The following CRYBG1 variants were observed in gnomAD, a reference collection of about 807,000 sequenced individuals.
CRYBG1 encodes crystallin beta-gamma domain containing 1.
CRYBG1 carries 139 observed loss-of-function variants against 189.2 expected under a neutral mutation model. The observed-to-expected ratio is 0.73, with a 90% confidence interval of 0.64 to 0.85. The LOEUF is 0.85. Among genes scored for constraint, CRYBG1 ranks in the 40% least tolerant of loss-of-function variants. CRYBG1 has a pLI of 0.00. For missense variants in CRYBG1, 2,611 were observed against 2,675.8 expected, an observed-to-expected ratio of 0.98 and a Z score of 0.53; for synonymous variants, 1,023 against 1,017.1, an observed-to-expected ratio of 1.01 and a Z score of -0.11.
Position 106,513,040 on chromosome 6 carries a change from G to A in CRYBG1, c.1922+1G>A. ...CGACAGTGACCACTAAAGTGACCCT[G>A]TAAGTAGCCGCGCAAGTCCCGGCCG... On this transcript the variant is annotated splice_donor_variant, in intron 3 of 21. Coordinates refer to ENST00000633556, the MANE Select transcript of CRYBG1 (RefSeq NM_001371242.2). LOFTEE classifies it high-confidence loss of function. 1 of 1,598,456 alleles carries A rather than the reference G, an allele frequency of 6.3e-7. No individual in the cohort carries two copies. The highest frequency in any genetic ancestry group is 1.3e-5 in the African/African-American group (1 of 74,956).
intron 1 of CRYBG1, among the ~76,000 whole-genome samples, chr6:106,406,414 G>A (rs75721758): frequency 6.6e-6 from 1 of 152,210 alleles, no homozygotes; most frequent in African/African-American, 2.4e-5. Flanking sequence ...TGGTATACCT[G>A]AAAGTGATGA....
intron 1 of CRYBG1, among the ~76,000 whole-genome samples, chr6:106,449,677 T>TA (rs1347501561): frequency 1.3e-5 from 2 of 152,216 alleles, no homozygotes; most frequent in Non-Finnish European, 2.9e-5. Flanking sequence ...TTTCAGTTGT[T>TA]ACTTAAATTC....
intron 1 of CRYBG1, among the ~76,000 whole-genome samples, chr6:106,373,889 A>G (rs1053573473): frequency 1.3e-5 from 2 of 152,216 alleles, no homozygotes; most frequent in Non-Finnish European, 2.9e-5. Context: ...AAAAACAATT[A>G]CCCAGTGATA....
intron 2 of CRYBG1, among the ~76,000 whole-genome samples, chr6:106,467,993 A>T (rs1431391670): frequency 1.3e-5 from 2 of 152,098 alleles, no homozygotes; most frequent in Admixed American, 1.3e-4. Context: ...GTCTTAAATG[A>T]GGGAGTCTTA....
chr6:106,524,044 T>C (rs968473459), intron 4 of CRYBG1, among the ~76,000 whole-genome samples: 1 of 152,160 alleles, frequency 6.6e-6, no homozygotes, highest in Non-Finnish European at 1.5e-5. Flanking sequence ...TTTGTGGTCT[T>C]CTGGGCATAT....
At chr6:106,466,397 G>A (rs1480149285) in intron 2 of CRYBG1, among the ~76,000 whole-genome samples, 1 of 152,198 alleles carries the variant, frequency 6.6e-6, no homozygotes, top group Non-Finnish European at 1.5e-5. Flanking sequence ...CAATTTTAAT[G>A]CTAACATTCT....
chr6:106,506,512 A>C (rs1372331079), intron 2 of CRYBG1, among the ~76,000 whole-genome samples: 1 of 119,848 alleles, frequency 8.3e-6, no homozygotes, highest in Non-Finnish European at 1.6e-5. Context: ...GAGTACAATG[A>C]TGTGATCTCA....
chr6:106,387,001 TA>T (rs1353455332), intron 1 of CRYBG1, among the ~76,000 whole-genome samples: 2 of 152,216 alleles, frequency 1.3e-5, no homozygotes, highest in African/African-American at 4.8e-5. Flanking sequence ...TCTTTTCTTT[TA>T]TTCTTGTAAC....
intron 13 of CRYBG1, among the ~76,000 whole-genome samples, chr6:106,547,086 A>G (rs1376723747): frequency 3.3e-5 from 5 of 151,986 alleles, no homozygotes; most frequent in African/African-American, 1.2e-4. Flanking sequence ...ATTTTTAGTC[A>G]TTTCTAATTG....
At chr6:106,544,496 A>G in intron 11 of CRYBG1, 75 bp from the exon 12 acceptor site, 1 of 1,510,148 alleles carries the variant, frequency 6.6e-7, no homozygotes, top group East Asian at 2.3e-5. Context: ...GTATTTTTCA[A>G]TGAAATTGAT....
In CRYBG1 at chr6:106,379,914, G is replaced by A. The variant is rs191363605; in HGVS notation, c.173+18833G>A. Reference sequence around the variant, plus strand: ...CATTCTAATTACAGATCACACTAAGGTGAACATTACAATTTTAATATAATA... The same window carrying A: ...CATTCTAATTACAGATCACACTAAGATGAACATTACAATTTTAATATAATA... On this transcript the variant is annotated intron_variant, in intron 1 of 21. Coordinates refer to ENST00000633556, the MANE Select transcript of CRYBG1 (RefSeq NM_001371242.2). 1.1e-3 allele frequency among the ~76,000 whole-genome samples: 161 copies of A among 152,232 alleles called. 1 individual carries two copies. Among genetic ancestry groups the A allele is most frequent in the South Asian group, 2.1e-3 (10 of 4,824 alleles).
At chr6:106,409,903 C>A (rs989693377) in intron 1 of CRYBG1, among the ~76,000 whole-genome samples, 7 of 152,176 alleles carry the variant, frequency 4.6e-5, no homozygotes. Flanking sequence ...AAATGTAAGA[C>A]CTAAAACCAT....
chr6:106,417,332 G>A (rs760663732), intron 1 of CRYBG1, among the ~76,000 whole-genome samples: 12 of 152,152 alleles, frequency 7.9e-5, no homozygotes, highest in African/African-American at 2.2e-4. Flanking sequence ...AAGATGTAAC[G>A]CTCAAGGTTG....
intron 13 of CRYBG1, among the ~76,000 whole-genome samples, chr6:106,548,742 T>A (rs929631682): frequency 7.3e-5 from 11 of 151,546 alleles, no homozygotes; most frequent in African/African-American, 2.4e-4. Context: ...TCTTTTTTTT[T>A]AAATTTTATT....
intron 2 of CRYBG1, among the ~76,000 whole-genome samples, chr6:106,511,163 G>A (rs1288438683): frequency 2.0e-5 from 3 of 152,134 alleles, no homozygotes; most frequent in African/African-American, 7.2e-5. Flanking sequence ...TATTTGGACC[G>A]TTCAAATTTT....
At chr6:106,497,970 G>A (rs1019916716) in intron 2 of CRYBG1, among the ~76,000 whole-genome samples, 1 of 151,964 alleles carries the variant, frequency 6.6e-6, no homozygotes, top group East Asian at 1.9e-4. Context: ...GCGTGGTGGC[G>A]CACGCCTGTA....
intron 1 of CRYBG1, among the ~76,000 whole-genome samples, chr6:106,372,087 T>C (rs1582725949): frequency 6.6e-6 from 1 of 152,222 alleles, no homozygotes; most frequent in Non-Finnish European, 1.5e-5. Flanking sequence ...TGCCTTTCTG[T>C]GTATAAGCAT....
intron 13 of CRYBG1, among the ~76,000 whole-genome samples, chr6:106,551,125 C>A (rs1200987740): frequency 1.4e-5 from 2 of 147,380 alleles, no homozygotes; most frequent in African/African-American, 2.5e-5. Context: ...TTTTTCAAAC[C>A]CCCCTCCCTC....
intron 2 of CRYBG1, among the ~76,000 whole-genome samples, chr6:106,470,062 C>T (rs1772198769): frequency 6.6e-6 from 1 of 152,220 alleles, no homozygotes; most frequent in Non-Finnish European, 1.5e-5. Flanking sequence ...GCGCTTCCCT[C>T]CTCCCTTTGG....
Sources: allele counts gnomAD v4.1 joint callset (sites outside exome capture counted in the v4.1 genomes callset), GRCh38; gene constraint gnomAD v4.1.1; transcripts MANE v1.5; gene names NCBI Gene and HGNC (gene_info 2026-07-23, HGNC 2026-07-21).